Variants in XG observed in about 807,000 individuals in gnomAD.
XG encodes Xg glycoprotein (Xg blood group).
XG carries 24 observed loss-of-function variants against 25.7 expected under a neutral mutation model. The observed-to-expected ratio is 0.93, with a 90% confidence interval of 0.68 to 1.31. The LOEUF (loss-of-function observed/expected upper bound fraction) is 1.31, where lower values mean the gene tolerates loss of function less well. Among genes scored for constraint, XG ranks in the 40% most tolerant of loss-of-function variants. The probability of loss-of-function intolerance (pLI) is 0.00; values close to 1 mark genes in which losing one functional copy is unlikely to be tolerated. For synonymous variants in XG, 77 were observed against 69.2 expected (o/e 1.11, Z -0.56); for missense variants, 181 against 187.6 (o/e 0.96, Z 0.21).
intron 1 of XG, among the ~76,000 whole-genome samples, chrX:2,768,910 G>A (rs1263895838): frequency 6.6e-6 from 1 of 152,196 alleles, no homozygotes; most frequent in Non-Finnish European, 1.5e-5. Flanking sequence ...AGGGACGTGG[G>A]GGCTCCCAGA....
intron 3 of XG, among the ~76,000 whole-genome samples, chrX:2,775,975 AAAG>A (rs1363339339): frequency 1.3e-5 from 2 of 148,154 alleles, no homozygotes; most frequent in African/African-American, 2.5e-5. Context: ...AAAAAAAAGA[AAAG>A]AAAAGAAAAG....
intron 10 of XG, among the ~76,000 whole-genome samples, chrX:2,811,876 G>A (rs1268321829): frequency 2.7e-5 from 3 of 111,926 alleles, no homozygotes; most frequent in East Asian, 5.6e-4. Flanking sequence ...GATTACAGGC[G>A]TGAGCCACCG....
intron 1 of XG, among the ~76,000 whole-genome samples, chrX:2,763,370 C>T (rs371250339): frequency 6.6e-6 from 1 of 151,780 alleles, no homozygotes; most frequent in Non-Finnish European, 1.5e-5. Flanking sequence ...AGACCCCCAC[C>T]AAATAAAAAA....
chrX:2,763,963 C>T (rs1210445115), intron 1 of XG, among the ~76,000 whole-genome samples: 1 of 152,120 alleles, frequency 6.6e-6, no homozygotes, highest in South Asian at 2.1e-4. Context: ...CGAGAGCTGC[C>T]GGGCTGCATT....
At chrX:2,753,168 G>A (rs187539549) in intron 1 of XG, among the ~76,000 whole-genome samples, 3 of 152,288 alleles carry the variant, frequency 2.0e-5, no homozygotes, top group African/African-American at 4.8e-5. Flanking sequence ...CATTAAGATT[G>A]GAGTTGGTTG....
At chrX:2,760,128 T>A (rs2050531272) in intron 1 of XG, among the ~76,000 whole-genome samples, 1 of 151,554 alleles carries the variant, frequency 6.6e-6, no homozygotes, top group Non-Finnish European at 1.5e-5. Flanking sequence ...TGCAGTGAGC[T>A]GAGATTGCAC....
At position 2,773,522 on chromosome X, in the gene XG, GGAAGGAAGGAGAGAA is replaced by G. The variant is rs1569461986; in HGVS notation, c.104-1192_104-1178del. On this transcript the variant is annotated intron_variant, in intron 2 of 10. Transcript: ENST00000644266. ...AGGAGAGAAGGAAGGAAGGAGAGAA[GGAAGGAAGGAGAGAA>G]GGAAGGAAGGAGAGAAGGAAGGAAG... Among the ~76,000 whole-genome samples the G allele has an allele frequency of 1.2e-4, 16 of 137,124 alleles. 1 individual carries two copies. The highest frequency in any genetic ancestry group is 1.4e-4 in the Non-Finnish European group (9 of 62,574). The allele number at this position is 137,124 out of a possible 152,430, so 90.0% of individuals were successfully genotyped here. A position where few individuals can be genotyped will look rare whatever the true frequency, so the allele number is the denominator to read the frequency against.
intron 9 of XG, among the ~76,000 whole-genome samples, chrX:2,809,271 G>A (rs1163116297): frequency 1.8e-5 from 2 of 111,599 alleles, no homozygotes; most frequent in Non-Finnish European, 3.8e-5. Context: ...ATGGTGACCA[G>A]GAAAGACCTC....
intron 1 of XG, among the ~76,000 whole-genome samples, chrX:2,754,353 G>A (rs2050391007): frequency 6.6e-6 from 1 of 152,056 alleles, no homozygotes. Context: ...TCCTGCCTTG[G>A]CCTCCCCAAA....
rs182950642 is a variant in XG at position 2,797,145 on chromosome X, C to A, written c.323-165C>A. On this transcript the variant is annotated intron_variant, in intron 6 of 10. Transcript: ENST00000644266. The stretch of plus-strand genomic sequence containing the variant: ...CGGGGAAGAGGAAGCTTTGGTGGGG[C>A]CACCCTTGACTCTCCCCTGCTGGTC... 6.4e-3 allele frequency among the ~76,000 whole-genome samples: 717 copies of A among 111,339 alleles called. 4 individuals carry two copies. Among genetic ancestry groups the A allele is most frequent in the African/African-American group, 0.022 (675 of 30,675 alleles).
intron 10 of XG, among the ~76,000 whole-genome samples, chrX:2,812,538 G>A (rs1220347860): frequency 2.7e-5 from 3 of 110,788 alleles, no homozygotes; most frequent in Non-Finnish European, 3.8e-5. Flanking sequence ...CCATTCCTAC[G>A]GTGTTTGCTT....
chrX:2,783,366 A>G (rs1382449994), intron 4 of XG, among the ~76,000 whole-genome samples: 2 of 94,593 alleles, frequency 2.1e-5, no homozygotes, highest in African/African-American at 7.5e-5. Context: ...GGGGGTGGGC[A>G]TGGAGAGAGA....
At chrX:2,810,910 C>T (rs751783515) in intron 9 of XG, among the ~76,000 whole-genome samples, 4 of 97,891 alleles carry the variant, frequency 4.1e-5, no homozygotes, top group African/African-American at 1.2e-4. Context: ...AGCAACATTC[C>T]GTCTCAAAAA....
intron 1 of XG, among the ~76,000 whole-genome samples, chrX:2,768,262 C>G (rs189725569): frequency 2.6e-5 from 4 of 152,260 alleles, no homozygotes; most frequent in Admixed American, 2.0e-4. Flanking sequence ...AGACATAACA[C>G]AGTGAAAGAT....
chrX:2,804,384 C>T (rs2086973757), intron 7 of XG, among the ~76,000 whole-genome samples: 1 of 111,528 alleles, frequency 9.0e-6, no homozygotes, highest in South Asian at 3.8e-4. Flanking sequence ...GTCATCATTT[C>T]CTCAGTTACA....
intron 4 of XG, among the ~76,000 whole-genome samples, chrX:2,786,418 A>G (rs749508364): frequency 1.9e-4 from 20 of 107,984 alleles, no homozygotes; most frequent in South Asian, 4.2e-4. Context: ...CAGGCGTGCA[A>G]CACCACACCT....
rs1402405627 is a variant in XG at position 2,816,196 on chromosome X, G to A, written c.*1816G>A. The A allele has an allele frequency of 8.9e-6, 1 of 112,274 alleles. No homozygotes were observed. The highest frequency in any genetic ancestry group is 1.9e-5 in the Non-Finnish European group (1 of 53,248). 9.3% of individuals were successfully genotyped at this position (112,274 alleles called of 1,213,427 possible). ...TTGCTTGGGGGAACCTCTCTTTGAGGGGTCATGAGGACCACCTGCTGGGCA... is the reference window on the plus strand; with the variant it reads ...TTGCTTGGGGGAACCTCTCTTTGAGAGGTCATGAGGACCACCTGCTGGGCA... On this transcript the variant is annotated 3_prime_UTR_variant, in exon 11 of 11. Transcript: ENST00000644266.
intron 4 of XG, among the ~76,000 whole-genome samples, chrX:2,788,937 C>G (rs2086810508): frequency 9.0e-6 from 1 of 110,972 alleles, no homozygotes; most frequent in Admixed American, 9.7e-5. Flanking sequence ...TTAAGAAATT[C>G]AAATGAAGCC....
chrX:2,808,593 C>T, intron 9 of XG: 1 of 747,389 alleles, frequency 1.3e-6, no homozygotes, highest in Non-Finnish European at 1.6e-6. Context: ...GAACACTCTG[C>T]CCAAAGAAGC....
Sources: gnomAD v4.1 joint callset for allele counts (sites outside exome capture counted in the v4.1 genomes callset) on GRCh38, gnomAD v4.1.1 for gene constraint, MANE v1.5 for transcripts, NCBI Gene and HGNC (gene_info 2026-07-23, HGNC 2026-07-21) for gene names.